TUBA1C: variants seen among roughly 807,000 people sequenced by gnomAD.
TUBA1C encodes the protein tubulin alpha 1c.
A neutral mutation model predicts 34.9 loss-of-function variants in TUBA1C; 16 were observed. The observed-to-expected ratio is 0.46, with a 90% CI of 0.31 to 0.70. The LOEUF (loss-of-function observed/expected upper bound fraction) is 0.70, where lower values mean the gene tolerates loss of function less well. TUBA1C is among the 30% of genes least tolerant of loss of function. TUBA1C has a pLI of 0.05. For missense variants in TUBA1C, 329 were observed against 587.3 expected (o/e 0.56, Z 4.55); for synonymous variants, 177 against 215.9 (o/e 0.82, Z 1.58).
intron 1 of TUBA1C, among the ~76,000 whole-genome samples, chr12:49,228,394 A>C (rs1161997020): frequency 2.6e-5 from 4 of 152,248 alleles, no homozygotes; most frequent in African/African-American, 4.8e-5. Flanking sequence ...TATTAGGACC[A>C]CAAATAGACA....
upstream of TUBA1C, among the ~76,000 whole-genome samples, chr12:49,262,400 A>G (rs1195488822): frequency 1.2e-5 from 1 of 81,028 alleles, no homozygotes; most frequent in African/African-American, 4.4e-5. Flanking sequence ...GACCCTGTGT[A>G]AAAAAAAAAA....
At chr12:49,232,760 T>C (rs1942510475) in intron 1 of TUBA1C, 1 of 152,140 alleles carries the variant, frequency 6.6e-6, no homozygotes, top group South Asian at 2.1e-4. Context: ...CGTTTTGGGG[T>C]TAAGTACAAT....
Position 49,274,574 on chromosome 12 carries a change from GTCTTTAA to G in TUBA1C, c.*1349_*1355del, listed in dbSNP as rs1347323854. 6.6e-6 allele frequency: 1 copy of G among 152,092 alleles called. No homozygotes were observed. Among genetic ancestry groups the G allele is most frequent in the Non-Finnish European group, 1.5e-5 (1 of 68,028 alleles). The allele number at this position is 152,092 out of a possible 1,614,324, so 9.4% of individuals were successfully genotyped here. On this transcript the variant is annotated 3_prime_UTR_variant, in exon 4 of 4. Coordinates refer to ENST00000301072, the MANE Select transcript of TUBA1C (RefSeq NM_032704.5). Reference sequence around the variant, plus strand: ...CACACTGCCAGAACTATTGCTGTCAGTCTTTAATAAAGTATTAGTCACACGAGAAGGG... The same window carrying G: ...CACACTGCCAGAACTATTGCTGTCAGTAAAGTATTAGTCACACGAGAAGGG...
At position 49,265,159 on chromosome 12, in the gene TUBA1C, G is replaced by A. The variant is rs1565648045; in HGVS notation, c.-23G>A. On this transcript the variant is annotated 5_prime_UTR_variant, in exon 1 of 4. Coordinates refer to ENST00000301072, the MANE Select transcript of TUBA1C (RefSeq NM_032704.5). ...CCGTCCCTTCGCCTCCTTCACCGCC[G>A]CAGACCCCTTCAAGTTCTAGTCATG... The A allele has an allele frequency of 1.2e-6, 2 of 1,602,316 alleles. No homozygotes were observed. Among genetic ancestry groups the A allele is most frequent in the East Asian group, 2.2e-5 (1 of 44,582 alleles).
At chr12:49,260,188 A>C (rs1942828274), upstream of TUBA1C, among the ~76,000 whole-genome samples, 1 of 152,128 alleles carries the variant, frequency 6.6e-6, no homozygotes, top group Admixed American at 6.6e-5. Context: ...GTGTATCCTA[A>C]AGGAATGGGG....
chr12:49,270,700 AG>A (rs1942979089), intron 3 of TUBA1C, among the ~76,000 whole-genome samples: 1 of 152,186 alleles, frequency 6.6e-6, no homozygotes, highest in Non-Finnish European at 1.5e-5. Context: ...ACTAAGCTTT[AG>A]GCTGGGCACG....
chr12:49,235,608 G>A (rs561771431), intron 1 of TUBA1C, among the ~76,000 whole-genome samples: 1 of 152,066 alleles, frequency 6.6e-6, no homozygotes, highest in East Asian at 1.9e-4. Flanking sequence ...GGTGGTGCGC[G>A]CCTGTAATTC....
At chr12:49,259,759 T>G (rs1942824286) in intron 1 of TUBA1C, among the ~76,000 whole-genome samples, 1 of 152,190 alleles carries the variant, frequency 6.6e-6, no homozygotes, top group Non-Finnish European at 1.5e-5. Context: ...TAACTATAAT[T>G]TATGCACTGA....
chr12:49,272,182 G>C, intron 3 of TUBA1C, 71 bp from the exon 4 acceptor site: 1 of 1,537,234 alleles, frequency 6.5e-7, no homozygotes, highest in Non-Finnish European at 8.7e-7. Flanking sequence ...GAAGTCCTCT[G>C]TAGGTTTCAC....
At chr12:49,265,081 C>T, upstream of TUBA1C, 1 of 1,440,626 alleles carries the variant, frequency 6.9e-7, no homozygotes, top group Non-Finnish European at 9.3e-7. Context: ...GCCACCCTTT[C>T]ACTACTTCTC....
chr12:49,238,307 T>C (rs1942579251), intron 1 of TUBA1C, among the ~76,000 whole-genome samples: 1 of 152,202 alleles, frequency 6.6e-6, no homozygotes, highest in Non-Finnish European at 1.5e-5. Context: ...GTGCTGTCAC[T>C]CAACAATCAA....
At chr12:49,245,237 T>C (rs551251255) in intron 1 of TUBA1C, among the ~76,000 whole-genome samples, 1 of 152,220 alleles carries the variant, frequency 6.6e-6, no homozygotes, top group South Asian at 2.1e-4. Context: ...TAAAAAAAAT[T>C]ACAAAGGTGG....
chr12:49,262,106 G>C (rs548675795), upstream of TUBA1C, among the ~76,000 whole-genome samples: 20 of 152,170 alleles, frequency 1.3e-4, 1 homozygote, highest in South Asian at 3.9e-3. Context: ...CCTGAGGAGG[G>C]GAAATGTCCA....
intron 1 of TUBA1C, among the ~76,000 whole-genome samples, chr12:49,255,206 T>C: frequency 6.6e-6 from 1 of 152,006 alleles, no homozygotes; most frequent in Admixed American, 6.6e-5. Flanking sequence ...CCAGAATTCC[T>C]AGTAATTATA....
At chr12:49,248,867 C>CAAAA (rs201685193) in intron 1 of TUBA1C, among the ~76,000 whole-genome samples, 8 of 60,774 alleles carry the variant, frequency 1.3e-4, no homozygotes, top group East Asian at 4.4e-4. Context: ...GACTCCCTCT[C>CAAAA]AAAAAAAAAA....
At chr12:49,266,283 A>C (rs1330490473) in intron 1 of TUBA1C, among the ~76,000 whole-genome samples, 9 of 123,240 alleles carry the variant, frequency 7.3e-5, no homozygotes, top group South Asian at 2.7e-4. Flanking sequence ...AAAAAAAATT[A>C]GCTGGGCGTG....
chr12:49,264,788 C>A (rs1293855209), upstream of TUBA1C: 1 of 170,904 alleles, frequency 5.9e-6, no homozygotes, highest in Non-Finnish European at 1.2e-5. Flanking sequence ...AGCCCCAGAG[C>A]CCTTCCTGCC....
rs963569310 is a variant in TUBA1C, at chr12:49,265,305, C to T, written c.3+121C>T. 3 of 713,116 alleles carry T rather than the reference C, an allele frequency of 4.2e-6. No homozygotes were observed. In the Admixed American group the frequency reaches 9.9e-5, roughly 23 times the overall value. 44.2% of individuals were successfully genotyped at this position (713,116 alleles called of 1,614,324 possible). A position where few individuals can be genotyped will look rare whatever the true frequency, so the allele number is the denominator to read the frequency against. On this transcript the variant is annotated intron_variant, in intron 1 of 3. Coordinates refer to ENST00000301072, the MANE Select transcript of TUBA1C (RefSeq NM_032704.5). ...AGCTCCAGACTACCCCGGGCCCCTCCGGTTAACCTGGCTTGTGGCGGCCGG... is the reference window on the plus strand; with the variant it reads ...AGCTCCAGACTACCCCGGGCCCCTCTGGTTAACCTGGCTTGTGGCGGCCGG...
At chr12:49,238,888 C>T (rs571094907) in intron 1 of TUBA1C, among the ~76,000 whole-genome samples, 2 of 152,160 alleles carry the variant, frequency 1.3e-5, no homozygotes, top group Non-Finnish European at 2.9e-5. Flanking sequence ...TCTCCAGGAA[C>T]CTCTACGTGT....
Sources: gnomAD v4.1 joint callset for allele counts (sites outside exome capture counted in the v4.1 genomes callset) on GRCh38, gnomAD v4.1.1 for gene constraint, MANE v1.5 for transcripts, NCBI Gene and HGNC (gene_info 2026-07-23, HGNC 2026-07-21) for gene names.